The following HTR3B variants were observed in gnomAD, a reference collection of about 807,000 sequenced individuals.
HTR3B encodes 5-hydroxytryptamine receptor 3B.
HTR3B carries 44 observed loss-of-function variants against 42.8 expected under a neutral mutation model. The observed-to-expected ratio is 1.03, with a 90% CI of 0.81 to 1.32. The LOEUF is 1.32. HTR3B is among the 40% of genes most tolerant of loss of function. The pLI is 0.00. For synonymous variants in HTR3B, 203 were observed against 209.0 expected, an observed-to-expected ratio of 0.97 and a Z score of 0.25; for missense variants, 527 against 536.5, an observed-to-expected ratio of 0.98 and a Z score of 0.17.
upstream of HTR3B, among the ~76,000 whole-genome samples, chr11:113,902,225 C>T (rs1949701289): frequency 6.6e-6 from 1 of 152,172 alleles, no homozygotes; most frequent in African/African-American, 2.4e-5. Flanking sequence ...AAAGAATTCC[C>T]CTAGACCCCC....
At position 113,932,320 on chromosome 11, in the gene HTR3B, T is replaced by C. The variant is rs753760824; in HGVS notation, c.400T>C (p.Tyr134His). 6.2e-7 allele frequency: 1 copy of C among 1,613,436 alleles called. No homozygotes were observed. The highest frequency in any genetic ancestry group is 8.5e-7 in the Non-Finnish European group (1 of 1,179,414). ...VDIERYPDLPYVYVNSSGTIE... is the reference protein window; with the variant it reads ...VDIERYPDLPHVYVNSSGTIE... ...CATTGAAAGATACCCTGACCTTCCC[T>C]ATGTTTATGTGAACTCATCTGGGAC... Residue 134 changes from tyrosine to histidine, a missense_variant, in exon 5 of 9, where the codon TAT (tyrosine) becomes CAT (histidine). Transcript: ENST00000260191.
chr11:113,903,286 C>T (rs45492591), upstream of HTR3B, among the ~76,000 whole-genome samples: 16 of 152,206 alleles, frequency 1.1e-4, no homozygotes, highest in Admixed American at 3.9e-4. Flanking sequence ...AAGACTATAC[C>T]GGAAGAGCTA....
At chr11:113,943,786 C>G (rs1482417837) in intron 7 of HTR3B, among the ~76,000 whole-genome samples, 1 of 150,214 alleles carries the variant, frequency 6.7e-6, no homozygotes, top group African/African-American at 2.5e-5. Context: ...GCACTCCAGC[C>G]TGGGTGACAG....
chr11:113,921,781 T>C (rs1245995164), intron 2 of HTR3B, among the ~76,000 whole-genome samples: 1 of 152,180 alleles, frequency 6.6e-6, no homozygotes, highest in East Asian at 1.9e-4. Context: ...GAAAGTAAAA[T>C]CAGATTCTTT....
chr11:113,933,188 C>T (rs1330886749), intron 6 of HTR3B, 95 bp downstream of exon 6: 2 of 1,205,394 alleles, frequency 1.7e-6, no homozygotes, highest in Non-Finnish European at 2.3e-6. Flanking sequence ...TGCATGTTCT[C>T]ATTCATTATC....
chr11:113,941,133 C>T (rs1246937060), intron 6 of HTR3B, among the ~76,000 whole-genome samples: 1 of 152,222 alleles, frequency 6.6e-6, no homozygotes, highest in Non-Finnish European at 1.5e-5. Flanking sequence ...CACTATCTGA[C>T]ACATATTGAG....
chr11:113,909,357 C>A lies in HTR3B; in HGVS notation c.115C>A (p.Leu39Ile). ...DSALYHLSKQ[L>I]LQKYHKEVRP... ...TGCTCTGTATCATCTCAGCAAGCAG[C>A]TATTACAGAAATATCATAAAGAAGT... is the stretch of plus-strand genomic sequence containing the variant. The change falls in exon 2 of 9, where the codon CTA becomes ATA. Residue 39 changes from leucine to isoleucine, a missense_variant. Transcript: ENST00000260191. 5 of 1,612,600 alleles carry A rather than the reference C, an allele frequency of 3.1e-6. No individual in the cohort carries two copies. Among genetic ancestry groups the A allele is most frequent in the Non-Finnish European group, 4.2e-6 (5 of 1,178,570 alleles).
At chr11:113,909,054 C>A in intron 1 of HTR3B, 1 of 575,094 alleles carries the variant, frequency 1.7e-6, no homozygotes. Context: ...AGTTTTCCAA[C>A]CTTGGAGATG....
chr11:113,925,038 C>T (rs1349721929), intron 2 of HTR3B, among the ~76,000 whole-genome samples: 1 of 152,168 alleles, frequency 6.6e-6, no homozygotes, highest in African/African-American at 2.4e-5. Flanking sequence ...GTTTCTCTTT[C>T]AAATGATGCC....
chr11:113,912,234 C>T (rs1420303323), intron 2 of HTR3B, among the ~76,000 whole-genome samples: 2 of 151,912 alleles, frequency 1.3e-5, no homozygotes, highest in African/African-American at 4.8e-5. Flanking sequence ...TATATGTTTC[C>T]ATTTCTTTTT....
chr11:113,940,129 C>T (rs1426866527), intron 6 of HTR3B, among the ~76,000 whole-genome samples: 3 of 152,078 alleles, frequency 2.0e-5, no homozygotes, highest in Admixed American at 6.5e-5. Flanking sequence ...TCAAGTGATC[C>T]ACCCGCGTTG....
At position 113,948,349 on chromosome 11, in the gene HTR3B, T is replaced by A. The variant is rs1950194433; in HGVS notation, c.*2212T>A. Reference sequence around the variant, plus strand: ...GAGGTGAACTCCTCACTGTGGGGTCTCTCTCCTTCCCAACTATGTCTTAGA... The same window carrying A: ...GAGGTGAACTCCTCACTGTGGGGTCACTCTCCTTCCCAACTATGTCTTAGA... On this transcript the variant is annotated 3_prime_UTR_variant, in exon 9 of 9. Transcript: ENST00000260191. Among the ~76,000 whole-genome samples the A allele has an allele frequency of 6.6e-6, 1 of 152,162 alleles. No homozygotes were observed. Among genetic ancestry groups the A allele is most frequent in the Non-Finnish European group, 1.5e-5 (1 of 68,030 alleles).
intron 6 of HTR3B, among the ~76,000 whole-genome samples, chr11:113,937,287 CAT>C (rs2137530904): frequency 6.6e-6 from 1 of 152,308 alleles, no homozygotes; most frequent in Non-Finnish European, 1.5e-5. Context: ...GGATAGCCTC[CAT>C]TCAGGCTAAC....
intron 6 of HTR3B, among the ~76,000 whole-genome samples, 177 bp from the exon 7 acceptor site, chr11:113,942,805 T>C (rs892331195): frequency 4.6e-5 from 7 of 152,166 alleles, no homozygotes; most frequent in Admixed American, 1.3e-4. Flanking sequence ...AAAGGATTTT[T>C]TTCTCTTTTC....
At chr11:113,911,865 C>G (rs1310280029) in intron 2 of HTR3B, among the ~76,000 whole-genome samples, 1 of 152,044 alleles carries the variant, frequency 6.6e-6, no homozygotes, top group East Asian at 1.9e-4. Context: ...TCAAAGATCC[C>G]CGAAAAGGTC....
At chr11:113,943,443 C>G (rs920911033) in intron 7 of HTR3B, among the ~76,000 whole-genome samples, 2 of 152,172 alleles carry the variant, frequency 1.3e-5, no homozygotes, top group African/African-American at 4.8e-5. Context: ...AAGCAATTCT[C>G]CTGCCTCAGC....
chr11:113,916,853 A>G (rs1427848032), intron 2 of HTR3B, among the ~76,000 whole-genome samples: 1 of 152,134 alleles, frequency 6.6e-6, no homozygotes, highest in African/African-American at 2.4e-5. Flanking sequence ...ACAAAAACAC[A>G]GTTGATTTCT....
chr11:113,932,494 G>A (rs761701433), intron 5 of HTR3B, 36 bp downstream of exon 5: 2 of 1,463,940 alleles, frequency 1.4e-6, no homozygotes, highest in South Asian at 1.2e-5. Flanking sequence ...TGCTAGGTTG[G>A]TGCACATAGG....
intron 2 of HTR3B, among the ~76,000 whole-genome samples, chr11:113,926,647 C>T (rs1333329794): frequency 2.6e-5 from 4 of 151,930 alleles, no homozygotes; most frequent in African/African-American, 7.3e-5. Flanking sequence ...CGTGCCTCAG[C>T]CTCGCAAGTA....
Sources: gnomAD v4.1 joint callset for allele counts (sites outside exome capture counted in the v4.1 genomes callset) on GRCh38, gnomAD v4.1.1 for gene constraint, MANE v1.5 for transcripts, NCBI Gene and HGNC (gene_info 2026-07-23, HGNC 2026-07-21) for gene names.